PRR16: variants seen among roughly 807,000 people sequenced by gnomAD.
PRR16 encodes the protein protein Largen.
A neutral mutation model predicts 18.2 loss-of-function variants in PRR16; 6 were observed. The observed-to-expected ratio is 0.33, with a 90% CI of 0.18 to 0.65. The LOEUF (loss-of-function observed/expected upper bound fraction) is 0.65. Ranked by LOEUF, PRR16 falls within the 30% of genes least tolerant of loss-of-function variation. PRR16 has a pLI of 0.74. For missense variants in PRR16, 412 were observed against 376.6 expected (o/e 1.09, Z -0.78); for synonymous variants, 151 against 147.8 (o/e 1.02, Z -0.16).
At chr5:120,781,811 T>C in the PRR16 span, among the ~76,000 whole-genome samples, 2 of 152,192 alleles carry the variant, frequency 1.3e-5, no homozygotes, top group Non-Finnish European at 2.9e-5. Flanking sequence ...TTAATATCTA[T>C]AGCTTATTTT....
the PRR16 span, among the ~76,000 whole-genome samples, chr5:120,760,970 G>T: frequency 6.6e-6 from 1 of 152,044 alleles, no homozygotes; most frequent in Non-Finnish European, 1.5e-5. Flanking sequence ...TACAGTTCTT[G>T]TTTCAGAATC....
chr5:120,559,700 G>A (rs1408134557), intron 1 of PRR16, among the ~76,000 whole-genome samples: 1 of 151,838 alleles, frequency 6.6e-6, no homozygotes, highest in Non-Finnish European at 1.5e-5. Context: ...AATGTCATTA[G>A]TATTCTGATA....
intron 1 of PRR16, among the ~76,000 whole-genome samples, chr5:120,477,084 C>T (rs1162308816): frequency 1.3e-5 from 2 of 152,136 alleles, no homozygotes; most frequent in Non-Finnish European, 2.9e-5. Context: ...GTTACCTTCA[C>T]TTATTCCTCC....
chr5:120,627,165 A>G (rs1235326544), intron 1 of PRR16, among the ~76,000 whole-genome samples: 2 of 152,010 alleles, frequency 1.3e-5, no homozygotes, highest in African/African-American at 4.8e-5. Context: ...TATTTCTCCC[A>G]TTTCACAGTT....
At chr5:120,678,666 C>G (rs1024690560) in intron 1 of PRR16, among the ~76,000 whole-genome samples, 6 of 152,114 alleles carry the variant, frequency 3.9e-5, no homozygotes, top group Non-Finnish European at 8.8e-5. Flanking sequence ...AATTTGTTTA[C>G]CAATTCTAAT....
rs185404880 is a variant in PRR16, at chr5:120,682,215, C to G, written c.160-3739C>G. ...TTTATCAGGCTCTTTTCTGAGCAGA[C>G]TGCTTGAACCACTCTTCTGCCAGTA... On this transcript the variant is annotated intron_variant, in intron 1 of 1. Transcript: ENST00000407149. Among the ~76,000 whole-genome samples the G allele has an allele frequency of 1.4e-3, 219 of 152,334 alleles. 1 individual carries two copies. The highest frequency in any genetic ancestry group is 4.9e-3 in the African/African-American group (205 of 41,564).
chr5:120,510,841 A>G (rs1750803426), intron 1 of PRR16, among the ~76,000 whole-genome samples: 1 of 152,206 alleles, frequency 6.6e-6, no homozygotes, highest in East Asian at 1.9e-4. Flanking sequence ...TTAGAGGCTC[A>G]GATTATGATC....
intron 1 of PRR16, among the ~76,000 whole-genome samples, chr5:120,657,926 G>A (rs965700127): frequency 6.6e-6 from 1 of 151,810 alleles, no homozygotes; most frequent in Non-Finnish European, 1.5e-5. Flanking sequence ...TTCCTTTAGG[G>A]CATTTTCTAA....
chr5:120,621,930 G>A (rs1055052333), intron 1 of PRR16, among the ~76,000 whole-genome samples: 3 of 152,138 alleles, frequency 2.0e-5, no homozygotes, highest in Admixed American at 6.6e-5. Flanking sequence ...TTTCCACTTA[G>A]CATGCACAAA....
At chr5:120,700,152 T>G in the PRR16 span, among the ~76,000 whole-genome samples, 1 of 152,092 alleles carries the variant, frequency 6.6e-6, no homozygotes, top group Non-Finnish European at 1.5e-5. Context: ...ACGGGGTGGA[T>G]AGGCAAAACA....
chr5:120,576,911 T>G (rs1207330378), intron 1 of PRR16, among the ~76,000 whole-genome samples: 1 of 152,138 alleles, frequency 6.6e-6, no homozygotes, highest in Non-Finnish European at 1.5e-5. Context: ...ATTCTCTACG[T>G]GCTTTCTCTC....
intron 1 of PRR16, among the ~76,000 whole-genome samples, chr5:120,517,301 T>G (rs1027322242): frequency 6.6e-6 from 1 of 152,138 alleles, no homozygotes; most frequent in Admixed American, 6.6e-5. Flanking sequence ...TGTAAATAAA[T>G]TAGAACATTA....
At chr5:120,767,021 C>G in the PRR16 span, among the ~76,000 whole-genome samples, 1 of 151,806 alleles carries the variant, frequency 6.6e-6, no homozygotes, top group Admixed American at 6.6e-5. Flanking sequence ...TGTAAAAACA[C>G]TAATAAAACA....
chr5:120,496,808 T>A (rs1006599389), intron 1 of PRR16, among the ~76,000 whole-genome samples: 4 of 151,954 alleles, frequency 2.6e-5, no homozygotes, highest in African/African-American at 9.7e-5. Flanking sequence ...TGATTTTAGA[T>A]TTTTTTCTCT....
intron 1 of PRR16, among the ~76,000 whole-genome samples, chr5:120,495,902 T>C (rs1418830498): frequency 2.0e-5 from 3 of 152,052 alleles, no homozygotes; most frequent in Non-Finnish European, 4.4e-5. Context: ...ATGTGTTTAT[T>C]CTTTCACTGT....
At chr5:120,776,193 G>A in the PRR16 span, among the ~76,000 whole-genome samples, 3 of 152,052 alleles carry the variant, frequency 2.0e-5, no homozygotes. Context: ...TTGCCTCAGT[G>A]ATTTTCCCTC....
intron 1 of PRR16, among the ~76,000 whole-genome samples, chr5:120,556,780 C>G (rs1474458990): frequency 6.6e-6 from 1 of 151,768 alleles, no homozygotes; most frequent in Non-Finnish European, 1.5e-5. Context: ...AGATTTCTGC[C>G]CTCACTAATC....
intron 1 of PRR16, among the ~76,000 whole-genome samples, chr5:120,566,164 G>A (rs1481796229): frequency 1.3e-5 from 2 of 152,082 alleles, no homozygotes; most frequent in Non-Finnish European, 2.9e-5. Flanking sequence ...ATAAAAAGGA[G>A]CCCAGCCCCA....
At chr5:120,508,337 A>G (rs1380872556) in intron 1 of PRR16, among the ~76,000 whole-genome samples, 1 of 152,158 alleles carries the variant, frequency 6.6e-6, no homozygotes, top group African/African-American at 2.4e-5. Flanking sequence ...CTTGTTATGC[A>G]AAACTCTGTG....
Sources: allele counts gnomAD v4.1 joint callset (sites outside exome capture counted in the v4.1 genomes callset), GRCh38; gene constraint gnomAD v4.1.1; transcripts MANE v1.5; gene names NCBI Gene and HGNC (gene_info 2026-07-23, HGNC 2026-07-21).